The following MYOM3 variants were observed in gnomAD, a reference collection of about 807,000 sequenced individuals.
MYOM3 encodes the protein myomesin-3.
Under a neutral mutation model 191.7 loss-of-function variants are expected in MYOM3, and 155 were observed. The ratio of observed to expected loss-of-function variants is 0.81; its 90% CI spans 0.71 to 0.92. MYOM3 has a LOEUF of 0.92. MYOM3 is among the 40% of genes least tolerant of loss of function. The pLI is 0.00. For missense variants in MYOM3, 1,889 were observed against 1,890.6 expected (o/e 1.00, Z 0.02); for synonymous variants, 757 against 762.9 (o/e 0.99, Z 0.13).
intron 30 of MYOM3, 57 bp downstream of exon 30, chr1:24,064,015 T>C: frequency 1.6e-6 from 2 of 1,271,080 alleles, no homozygotes; most frequent in Non-Finnish European, 2.3e-6. Context: ...ACAGATCACA[T>C]CACAGTCTGC....
intron 35 of MYOM3, among the ~76,000 whole-genome samples, chr1:24,060,002 C>T (rs986201737): frequency 6.6e-6 from 1 of 152,222 alleles, no homozygotes; most frequent in African/African-American, 2.4e-5. Flanking sequence ...CAACCCTTCA[C>T]AGCTGGACAA....
intron 7 of MYOM3, among the ~76,000 whole-genome samples, chr1:24,095,866 G>C (rs115496175): frequency 6.6e-6 from 1 of 152,142 alleles, no homozygotes; most frequent in Non-Finnish European, 1.5e-5. Context: ...GGAGAGTGGT[G>C]GGGGAGGGGC....
At chr1:24,097,012 C>A (rs1165064100) in intron 7 of MYOM3, among the ~76,000 whole-genome samples, 1 of 152,172 alleles carries the variant, frequency 6.6e-6, no homozygotes, top group Non-Finnish European at 1.5e-5. Context: ...TTTACACAGC[C>A]AGTTGGCAGC....
rs554414307 is a variant in MYOM3, at chr1:24,071,427, A to T, written c.3014-174T>A. On this transcript the variant is annotated intron_variant, in intron 24 of 36. Coordinates refer to ENST00000374434, the MANE Select transcript of MYOM3 (RefSeq NM_152372.4). ...AGGGTTTTCCGAATGCCCACTCTAG[A>T]TTTAATTAATCTCAGCGAAGCGTTT... Among the ~76,000 whole-genome samples the T allele has an allele frequency of 1.1e-4, 17 of 152,310 alleles. No homozygotes were observed. The East Asian group carries it at 3.3e-3, about 29-fold the overall frequency.
At chr1:24,064,874 C>T (rs1643415017) in intron 29 of MYOM3, among the ~76,000 whole-genome samples, 1 of 152,190 alleles carries the variant, frequency 6.6e-6, no homozygotes, top group Non-Finnish European at 1.5e-5. Flanking sequence ...TATGTCCTCA[C>T]CATCCCAGGA....
Position 24,063,467 on chromosome 1 carries a change from C to A in MYOM3, c.3661+25G>T. 1 of 1,613,988 alleles carries A rather than the reference C, an allele frequency of 6.2e-7. No homozygotes were observed. Among genetic ancestry groups the A allele is most frequent in the Non-Finnish European group, 8.5e-7 (1 of 1,179,928 alleles). On this transcript the variant is annotated intron_variant, in intron 31 of 36. Transcript: ENST00000374434. This position sits in a 1 kb window ranked among gnomAD's most constrained non-coding sequence, Gnocchi z 4.5. ...TGTTGGGCATCAGGGCAGGGCAGGG[C>A]TGGGCAAAGAGGCAGGCTGCTTACC... is the stretch of plus-strand genomic sequence containing the variant.
At chr1:24,067,405 TCCTTCCTTCC>T (rs1643462179) in intron 27 of MYOM3, among the ~76,000 whole-genome samples, 6 of 84,806 alleles carry the variant, frequency 7.1e-5, no homozygotes, top group Middle Eastern at 6.0e-3. Flanking sequence ...CTTCCTTCCT[TCCTTCCTTCC>T]TTCCTTCCTT....
At chr1:24,082,405 T>A (rs879474510) in intron 17 of MYOM3, 188 bp downstream of exon 17, 18 of 943,568 alleles carry the variant, frequency 1.9e-5, no homozygotes, top group Non-Finnish European at 2.7e-5. Context: ...TCAGGCCCCA[T>A]CCCATGGCCT....
intron 5 of MYOM3, among the ~76,000 whole-genome samples, chr1:24,101,662 G>A (rs1205499797): frequency 1.3e-5 from 2 of 152,216 alleles, no homozygotes; most frequent in Non-Finnish European, 2.9e-5. Context: ...TGAGGCAGGA[G>A]GACTGCTTGA....
chr1:24,106,321 G>C (rs768771285), intron 4 of MYOM3, among the ~76,000 whole-genome samples: 1 of 152,138 alleles, frequency 6.6e-6, no homozygotes, highest in African/African-American at 2.4e-5. Context: ...TGTCCTTATT[G>C]GTAAAATAGA....
Position 24,108,089 on chromosome 1 carries a change from G to C in MYOM3, c.162-16C>G, listed in dbSNP as rs1336938114. 1.9e-6 allele frequency: 3 copies of C among 1,612,464 alleles called. No individual in the cohort carries two copies. In the South Asian group the frequency reaches 3.3e-5, roughly 18 times the overall value. ...CTCTTCTTCGCTGCTCCCAGAAGGA[G>C]GGGAGTAAATGGCTCTTGCAGGATT... On this transcript the variant is annotated splice_polypyrimidine_tract_variant and intron_variant, in intron 2 of 36. Transcript: ENST00000374434.
At chr1:24,104,375 C>G (rs887421919) in intron 5 of MYOM3, among the ~76,000 whole-genome samples, 17 of 152,216 alleles carry the variant, frequency 1.1e-4, no homozygotes, top group Non-Finnish European at 1.5e-5. Flanking sequence ...CACCCAGACT[C>G]TTTGATCTCA....
chr1:24,107,375 T>A (rs774470759), intron 3 of MYOM3, 143 bp from the exon 4 acceptor site: 103 of 697,990 alleles, frequency 1.5e-4, no homozygotes, highest in Non-Finnish European at 2.2e-4. Context: ...TTCCCTTGCC[T>A]CCAAAACAGC....
In MYOM3 at chr1:24,071,232, C is replaced by T; in HGVS notation, c.3035G>A (p.Trp1012Ter). The T allele has an allele frequency of 6.2e-7, 1 of 1,613,474 alleles. No individual in the cohort carries two copies. Among genetic ancestry groups the T allele is most frequent in the Non-Finnish European group, 8.5e-7 (1 of 1,179,746 alleles). ...CCCTCGCTCCAGGATGTCAATGTTC[C>T]AGCCGGAGATCAGTTTGATCACTGG... Reference protein sequence around the residue: ...RNPVIKLISGWNIDILERGEV... With the variant: ...RNPVIKLISG The change falls in exon 25 of 37, where the codon TGG becomes TAG. Residue 1012 changes from tryptophan (W) to a stop codon, truncating the protein, a stop_gained. Transcript: ENST00000374434. LOFTEE classifies it high-confidence loss of function.
At chr1:24,064,357 G>A (rs1037239354) in intron 29 of MYOM3, 198 bp from the exon 30 acceptor site, 1 of 544,740 alleles carries the variant, frequency 1.8e-6, no homozygotes, top group Non-Finnish European at 3.3e-6. Context: ...CAGAGCCCTT[G>A]GATTCCTAGC....
intron 16 of MYOM3, chr1:24,084,253 C>T: frequency 3.6e-6 from 2 of 556,810 alleles, no homozygotes; most frequent in Non-Finnish European, 6.4e-6. Flanking sequence ...TGCTCTTTCT[C>T]CCTCTCCTGC....
Position 24,063,901 on chromosome 1 carries a change from C to G in MYOM3, c.3622+171G>C, listed in dbSNP as rs1032906150. The G allele has an allele frequency of 4.0e-5, 25 of 619,984 alleles. No individual in the cohort carries two copies. The highest frequency in any genetic ancestry group is 7.4e-5 in the African/African-American group (4 of 54,138). The allele number at this position is 619,984 out of a possible 1,614,324, so 38.4% of individuals were successfully genotyped here. ...AACGAGGGCATCGGAGTCACACCGACCTGGCTCCTGCCACTGACTAGATGT... is the reference window on the plus strand; with the variant it reads ...AACGAGGGCATCGGAGTCACACCGAGCTGGCTCCTGCCACTGACTAGATGT... On this transcript the variant is annotated intron_variant, in intron 30 of 36. Coordinates refer to ENST00000374434, the MANE Select transcript of MYOM3 (RefSeq NM_152372.4). The surrounding 1 kb of genome is among the most constrained non-coding windows in gnomAD (Gnocchi z 4.5).
At chr1:24,083,219 C>A (rs1025548787) in intron 16 of MYOM3, 2 of 152,372 alleles carry the variant, frequency 1.3e-5, no homozygotes, top group East Asian at 1.9e-4. Flanking sequence ...CAATTGTGGA[C>A]CTCTTTCTCT....
At chr1:24,066,625 G>T (rs1455878517) in intron 28 of MYOM3, 2 of 353,946 alleles carry the variant, frequency 5.7e-6, no homozygotes, top group Non-Finnish European at 5.1e-6. Context: ...ATGAAGTGAG[G>T]ATAGTAATGC....
Sources: gnomAD v4.1 joint callset for allele counts (sites outside exome capture counted in the v4.1 genomes callset) on GRCh38, gnomAD v4.1.1 for gene constraint, Gnocchi (gnomAD v3.1) non-coding constraint, MANE v1.5 for transcripts, NCBI Gene and HGNC (gene_info 2026-07-23, HGNC 2026-07-21) for gene names.